SUGCT: variants seen among roughly 807,000 people sequenced by gnomAD.
The protein encoded by SUGCT is succinyl-CoA:glutarate CoA-transferase.
In SUGCT, 41 loss-of-function variants were observed where a neutral mutation model predicts 55.0. The ratio of observed to expected loss-of-function variants is 0.74; its 90% confidence interval spans 0.58 to 0.97. The LOEUF (loss-of-function observed/expected upper bound fraction) is 0.97. Among genes scored for constraint, SUGCT ranks in the 50% least tolerant of loss-of-function variants. SUGCT has a pLI of 0.00. For synonymous variants in SUGCT, 187 were observed against 200.4 expected, an observed-to-expected ratio of 0.93 and a Z score of 0.56; for missense variants, 568 against 547.8, an observed-to-expected ratio of 1.04 and a Z score of -0.37.
rs1299402238 is a variant in SUGCT, at chr7:40,666,474, C to T, written c.1090-82960C>T. Reference sequence around the variant, plus strand: ...GGTGGACAGGATATTTAGGGATTTTCTGCTTCATGTTTTCCATTTTTCCCA... The same window carrying T: ...GGTGGACAGGATATTTAGGGATTTTTTGCTTCATGTTTTCCATTTTTCCCA... On this transcript the variant is annotated intron_variant, in intron 12 of 13. Coordinates refer to ENST00000335693, the MANE Select transcript of SUGCT (RefSeq NM_001193313.2). Among the ~76,000 whole-genome samples the T allele has an allele frequency of 1.7e-4, 5 of 29,034 alleles. No homozygotes were observed. In the South Asian group the frequency reaches 4.9e-3, roughly 28 times the overall value. 19.0% of individuals were successfully genotyped at this position (29,034 alleles called of 152,430 possible).
the SUGCT span, among the ~76,000 whole-genome samples, chr7:40,997,131 C>T: frequency 0.039 from 5,862 of 152,222 alleles, 374 homozygotes; most frequent in African/African-American, 0.14. Flanking sequence ...TTTAAACTGC[C>T]TGCTCCACCC....
At chr7:40,845,301 G>A (rs1426758686) in intron 13 of SUGCT, among the ~76,000 whole-genome samples, 1 of 152,160 alleles carries the variant, frequency 6.6e-6, no homozygotes, top group Non-Finnish European at 1.5e-5. Context: ...CCAACATTAA[G>A]TTAGCCTAAA....
chr7:40,845,383 A>T (rs1253020675), intron 13 of SUGCT, among the ~76,000 whole-genome samples: 4 of 152,206 alleles, frequency 2.6e-5, no homozygotes, highest in Non-Finnish European at 5.9e-5. Context: ...ACATATACCC[A>T]CACAGCCTCA....
At position 40,745,620 on chromosome 7, in the gene SUGCT, A is replaced by G. The variant is rs1379332257; in HGVS notation, c.1090-3814A>G. Reference sequence around the variant, plus strand: ...ACTGACTACAATTCTATTCTTGTCAAGAATAGGCTTTTGAAATTTCAAGGA... The same window carrying G: ...ACTGACTACAATTCTATTCTTGTCAGGAATAGGCTTTTGAAATTTCAAGGA... On this transcript the variant is annotated intron_variant, in intron 12 of 13. Coordinates refer to ENST00000335693, the MANE Select transcript of SUGCT (RefSeq NM_001193313.2). Among the ~76,000 whole-genome samples the G allele has an allele frequency of 2.0e-5, 3 of 152,218 alleles. No homozygotes were observed. The East Asian group carries it at 5.8e-4, about 29-fold the overall frequency.
chr7:40,720,585 A>T (rs1786274870), intron 12 of SUGCT, among the ~76,000 whole-genome samples: 1 of 152,202 alleles, frequency 6.6e-6, no homozygotes, highest in South Asian at 2.1e-4. Flanking sequence ...GAATGACTAC[A>T]GTATTAGTCA....
chr7:40,844,585 T>C (rs1793459966), intron 13 of SUGCT, among the ~76,000 whole-genome samples: 1 of 152,190 alleles, frequency 6.6e-6, no homozygotes, highest in African/African-American at 2.4e-5. Flanking sequence ...TTGGGGTTTT[T>C]ATGGGTACAG....
chr7:40,546,150 A>C (rs1484770306), intron 12 of SUGCT, among the ~76,000 whole-genome samples: 3 of 152,214 alleles, frequency 2.0e-5, no homozygotes, highest in African/African-American at 7.2e-5. Context: ...GGACATCATT[A>C]CATGTAGCAG....
At chr7:40,814,049 C>G (rs1415016618) in intron 13 of SUGCT, among the ~76,000 whole-genome samples, 3 of 152,192 alleles carry the variant, frequency 2.0e-5, no homozygotes, top group Non-Finnish European at 2.9e-5. Context: ...CCCCCAATCT[C>G]TCCTGGCTTA....
intron 9 of SUGCT, among the ~76,000 whole-genome samples, chr7:40,384,355 G>A (rs1000166472): frequency 2.6e-5 from 4 of 152,150 alleles, no homozygotes; most frequent in African/African-American, 4.8e-5. Flanking sequence ...CATGCCCAGC[G>A]TGTAAGAAAG....
At chr7:40,773,582 A>G (rs777771167) in intron 13 of SUGCT, among the ~76,000 whole-genome samples, 1 of 152,256 alleles carries the variant, frequency 6.6e-6, no homozygotes, top group Non-Finnish European at 1.5e-5. Flanking sequence ...TTTGCTTCAA[A>G]TGATGAGCAG....
rs1389954854 is a variant in SUGCT at position 40,446,642 on chromosome 7, T to C, written c.817-2645T>C. 5.9e-5 allele frequency among the ~76,000 whole-genome samples: 9 copies of C among 152,292 alleles called. No individual in the cohort carries two copies. In the East Asian group the frequency reaches 1.2e-3, roughly 20 times the overall value. On this transcript the variant is annotated intron_variant, in intron 9 of 13. Transcript: ENST00000335693. ...TTTATAATGTATTTCTTGGGATCTA[T>C]TTTAGTTACCATTGTGCTATCTGGA...
At chr7:40,399,983 A>G (rs1471863933) in intron 9 of SUGCT, among the ~76,000 whole-genome samples, 1 of 152,152 alleles carries the variant, frequency 6.6e-6, no homozygotes, top group Non-Finnish European at 1.5e-5. Flanking sequence ...CAGGAGGCAG[A>G]GGTTGCAGTG....
At chr7:40,967,241 A>T in the SUGCT span, 20 of 152,370 alleles carry the variant, frequency 1.3e-4, no homozygotes, top group Non-Finnish European at 2.4e-4. Context: ...TCTCACCAGT[A>T]TGCAAAAGGT....
At chr7:40,173,956 T>G (rs1009019546) in intron 1 of SUGCT, among the ~76,000 whole-genome samples, 1 of 150,066 alleles carries the variant, frequency 6.7e-6, no homozygotes, top group Non-Finnish European at 1.5e-5. Context: ...TGTATTTTTC[T>G]TAGAAACAGG....
chr7:40,276,628 CACTTCTAGCATCTAACT>C (rs1181588798), intron 8 of SUGCT, among the ~76,000 whole-genome samples: 1 of 152,128 alleles, frequency 6.6e-6, no homozygotes, highest in East Asian at 1.9e-4. Flanking sequence ...GAGTTTAATT[CACTTCTAGCATCTAACT>C]AGTGGTTCAC....
chr7:40,781,996 A>G (rs1165595921), intron 13 of SUGCT, among the ~76,000 whole-genome samples: 2 of 152,168 alleles, frequency 1.3e-5, no homozygotes, highest in African/African-American at 4.8e-5. Context: ...AGACAATGTT[A>G]TTATATTAAT....
At chr7:40,343,953 T>C (rs1342405834) in intron 9 of SUGCT, among the ~76,000 whole-genome samples, 1 of 152,138 alleles carries the variant, frequency 6.6e-6, no homozygotes, top group Non-Finnish European at 1.5e-5. Flanking sequence ...ACCATATTAG[T>C]TGAAACTCTT....
At chr7:40,277,644 A>C (rs1350788186) in intron 8 of SUGCT, among the ~76,000 whole-genome samples, 2 of 151,084 alleles carry the variant, frequency 1.3e-5, no homozygotes, top group South Asian at 4.2e-4. Flanking sequence ...AGAGAACTTC[A>C]AAAGGCAATT....
At chr7:41,002,284 G>T in the SUGCT span, among the ~76,000 whole-genome samples, 1 of 152,194 alleles carries the variant, frequency 6.6e-6, no homozygotes, top group Non-Finnish European at 1.5e-5. Context: ...GCCTCCCAAA[G>T]TGCTGGGATT....
Sources: allele counts gnomAD v4.1 joint callset (sites outside exome capture counted in the v4.1 genomes callset), GRCh38; gene constraint gnomAD v4.1.1; transcripts MANE v1.5; gene names NCBI Gene and HGNC (gene_info 2026-07-23, HGNC 2026-07-21).